Variants in DPP10 observed in about 807,000 individuals in gnomAD.
The protein encoded by DPP10 is dipeptidyl peptidase like 10.
A neutral mutation model predicts 120.9 loss-of-function variants in DPP10; 33 were observed. The ratio of observed to expected loss-of-function variants is 0.27; its 90% CI spans 0.21 to 0.37. DPP10 has a LOEUF of 0.37. Ranked by LOEUF, DPP10 falls within the 10% of genes least tolerant of loss-of-function variation. The probability of loss-of-function intolerance (pLI) is 1.00; values close to 1 mark genes in which losing one functional copy is unlikely to be tolerated. For synonymous variants in DPP10, 337 were observed against 326.1 expected, an observed-to-expected ratio of 1.03 and a Z score of -0.36; for missense variants, 816 against 942.8, an observed-to-expected ratio of 0.87 and a Z score of 1.76.
intron 1 of DPP10, among the ~76,000 whole-genome samples, chr2:114,876,456 T>A (rs1691171855): frequency 6.6e-6 from 1 of 152,132 alleles, no homozygotes; most frequent in South Asian, 2.1e-4. Context: ...CCAAAAGCTT[T>A]GGATCTGAAC....
intron 1 of DPP10, chr2:114,461,484 A>G: frequency 1.4e-6 from 1 of 717,846 alleles, no homozygotes; most frequent in Non-Finnish European, 1.7e-6. Flanking sequence ...GGATTTGATT[A>G]CCTGTCTCCC....
At chr2:115,417,277 A>G (rs1325824396) in intron 3 of DPP10, among the ~76,000 whole-genome samples, 1 of 151,732 alleles carries the variant, frequency 6.6e-6, no homozygotes, top group East Asian at 1.9e-4. Flanking sequence ...CTGAATGGAA[A>G]CCCCCCAAAT....
chr2:115,143,249 T>C (rs1394597022), intron 1 of DPP10, among the ~76,000 whole-genome samples: 3 of 152,116 alleles, frequency 2.0e-5, no homozygotes, highest in South Asian at 2.1e-4. Flanking sequence ...GGCAGAAGGG[T>C]ACACCATTTA....
chr2:114,763,581 C>T, intron 1 of DPP10, among the ~76,000 whole-genome samples: 1 of 151,824 alleles, frequency 6.6e-6, no homozygotes, highest in Non-Finnish European at 1.5e-5. Context: ...TTTTTAAAGC[C>T]AATATAAGGA....
intron 1 of DPP10, among the ~76,000 whole-genome samples, chr2:114,553,257 C>T (rs991036832): frequency 2.6e-5 from 4 of 152,228 alleles, no homozygotes; most frequent in African/African-American, 7.2e-5. Context: ...GCTTCTCCCG[C>T]TGTACCTTCC....
At chr2:115,223,959 A>G (rs2105437199) in intron 1 of DPP10, among the ~76,000 whole-genome samples, 1 of 152,268 alleles carries the variant, frequency 6.6e-6, no homozygotes, top group Middle Eastern at 3.4e-3. Flanking sequence ...ATCTATTCAT[A>G]TCAAAGCTGC....
intron 1 of DPP10, among the ~76,000 whole-genome samples, chr2:115,269,052 C>G (rs535754968): frequency 6.6e-6 from 1 of 152,088 alleles, no homozygotes; most frequent in Non-Finnish European, 1.5e-5. Context: ...GAGGCTGAGA[C>G]GGGAGAATCA....
intron 5 of DPP10, among the ~76,000 whole-genome samples, chr2:115,564,312 G>GC (rs2080869731): frequency 1.4e-5 from 2 of 138,102 alleles, no homozygotes; most frequent in African/African-American, 5.4e-5. Context: ...CATCCTACTT[G>GC]CTCAGGTAAA....
At chr2:114,718,703 A>C (rs1242448821) in intron 1 of DPP10, among the ~76,000 whole-genome samples, 1 of 152,224 alleles carries the variant, frequency 6.6e-6, no homozygotes, top group Non-Finnish European at 1.5e-5. Context: ...GAAAATGACC[A>C]GCCTCAGGTT....
chr2:114,700,887 C>T (rs1029091855), intron 1 of DPP10, among the ~76,000 whole-genome samples: 9 of 152,006 alleles, frequency 5.9e-5, no homozygotes, highest in Non-Finnish European at 1.2e-4. Flanking sequence ...CTTTCCTATT[C>T]GTCTTTTGGT....
At chr2:115,283,575 T>G (rs4624386) in intron 1 of DPP10, among the ~76,000 whole-genome samples, 120,369 of 151,904 alleles carry the variant, frequency 0.79, 47,960 homozygotes, top group East Asian at 0.89. Flanking sequence ...GTTATTGGAG[T>G]TTATTTTAAC....
intron 1 of DPP10, among the ~76,000 whole-genome samples, chr2:114,684,774 G>C (rs1699259199): frequency 6.6e-6 from 1 of 151,942 alleles, no homozygotes; most frequent in African/African-American, 2.4e-5. Flanking sequence ...AGGCAAAGAA[G>C]ACCTACCTTC....
rs567530800 is a variant in DPP10, at chr2:115,759,370, C to A, written c.1075-3202C>A. 2.9e-4 allele frequency among the ~76,000 whole-genome samples: 43 copies of A among 146,398 alleles called. No individual in the cohort carries two copies. In the South Asian group the frequency reaches 4.1e-3, roughly 14 times the overall value. On this transcript the variant is annotated intron_variant, in intron 11 of 25. Transcript: ENST00000410059. The stretch of plus-strand genomic sequence containing the variant: ...GCCAAGAGTTCAAGACCAGCCTGGA[C>A]AACAAAATGAGATCCCATTTCTATA...
At chr2:115,210,840 T>C (rs1377901559) in intron 1 of DPP10, among the ~76,000 whole-genome samples, 1 of 152,188 alleles carries the variant, frequency 6.6e-6, no homozygotes, top group Non-Finnish European at 1.5e-5. Context: ...TCTGTTCATA[T>C]CCTTCGCCCA....
chr2:114,740,544 T>C (rs1360984622), intron 1 of DPP10, among the ~76,000 whole-genome samples: 1 of 152,180 alleles, frequency 6.6e-6, no homozygotes, highest in East Asian at 1.9e-4. Context: ...AATGTACTTC[T>C]ATTCTTGCTC....
chr2:115,529,195 A>C (rs1356257446), intron 5 of DPP10, among the ~76,000 whole-genome samples: 2 of 151,872 alleles, frequency 1.3e-5, no homozygotes, highest in African/African-American at 4.8e-5. Flanking sequence ...GGAGGCCGAG[A>C]GTTTCACTCT....
chr2:115,226,242 C>T (rs2057428287), intron 1 of DPP10, among the ~76,000 whole-genome samples: 1 of 152,050 alleles, frequency 6.6e-6, no homozygotes, highest in Non-Finnish European at 1.5e-5. Flanking sequence ...GTTTATCATG[C>T]TCTGTTTGAT....
intron 8 of DPP10, among the ~76,000 whole-genome samples, chr2:115,737,408 G>A (rs1435050559): frequency 6.6e-6 from 1 of 152,068 alleles, no homozygotes; most frequent in Non-Finnish European, 1.5e-5. Context: ...GAGGCTAAAT[G>A]TTTCTCCTGG....
intron 3 of DPP10, among the ~76,000 whole-genome samples, chr2:115,497,329 A>G (rs997917563): frequency 5.3e-5 from 8 of 152,050 alleles, no homozygotes; most frequent in Admixed American, 6.6e-5. Context: ...AATTTCACCA[A>G]TGGTTCGCTT....
Sources: allele counts gnomAD v4.1 joint callset (sites outside exome capture counted in the v4.1 genomes callset), GRCh38; gene constraint gnomAD v4.1.1; transcripts MANE v1.5; gene names NCBI Gene and HGNC (gene_info 2026-07-23, HGNC 2026-07-21).